The following KIF18B variants were observed in gnomAD, a reference collection of about 807,000 sequenced individuals.
The protein encoded by KIF18B is kinesin family member 18B, also known as kinesin-like protein KIF18B.
Under a neutral mutation model 80.9 loss-of-function variants are expected in KIF18B, and 49 were observed. That is an observed-to-expected ratio of 0.61 (90% CI 0.48 to 0.77). KIF18B has a LOEUF of 0.77. Among genes scored for constraint, KIF18B ranks in the 30% least tolerant of loss-of-function variants. KIF18B has a pLI of 0.00. For missense variants in KIF18B, 994 were observed against 1,127.7 expected (o/e 0.88, Z 1.70); for synonymous variants, 439 against 463.9 (o/e 0.95, Z 0.69).
chr17:44,935,207 CA>C, intron 3 of KIF18B, 51 bp downstream of exon 3: 1 of 1,515,990 alleles, frequency 6.6e-7, no homozygotes, highest in Non-Finnish European at 8.9e-7. Flanking sequence ...CCCATGGGCT[CA>C]CTTCCCCCCG....
intron 1 of KIF18B, among the ~76,000 whole-genome samples, chr17:44,944,539 C>T (rs576143830): frequency 8.5e-5 from 13 of 152,182 alleles, no homozygotes; most frequent in East Asian, 7.7e-4. Flanking sequence ...TGAGCCACCG[C>T]GCTTGGCCCG....
chr17:44,932,835 C>T (rs1160315620), intron 8 of KIF18B, 62 bp from the exon 9 acceptor site: 1 of 1,566,776 alleles, frequency 6.4e-7, no homozygotes, highest in Non-Finnish European at 8.7e-7. Context: ...GAGGGGCAGA[C>T]AGAGCCCCCG....
At chr17:44,947,397 A>ACCAC (rs2052532253) in intron 1 of KIF18B, among the ~76,000 whole-genome samples, 1 of 152,144 alleles carries the variant, frequency 6.6e-6, no homozygotes, top group Non-Finnish European at 1.5e-5. Context: ...AGGGGTCCTG[A>ACCAC]CCACCCGTAC....
chr17:44,934,135 T>C lies in KIF18B; in HGVS notation c.886-36A>G, dbSNP rs1005745224. ...GTAAGCAGGTGTGGGGTGAGGCGAC[T>C]GATGGCACTGACCCAGGATGGGGCC... On this transcript the variant is annotated intron_variant, in intron 6 of 15. Coordinates refer to ENST00000593135, the MANE Select transcript of KIF18B (RefSeq NM_001265577.2). This position sits in a 1 kb window ranked among gnomAD's most constrained non-coding sequence, Gnocchi z 5.4. 2.5e-6 allele frequency: 4 copies of C among 1,606,650 alleles called. No homozygotes were observed. Among genetic ancestry groups the C allele is most frequent in the Non-Finnish European group, 3.4e-6 (4 of 1,176,560 alleles).
chr17:44,933,644 C>G (rs2052208576), intron 7 of KIF18B, among the ~76,000 whole-genome samples: 1 of 152,162 alleles, frequency 6.6e-6, no homozygotes, highest in African/African-American at 2.4e-5. Flanking sequence ...AGGTGCCCAC[C>G]ACCATGCCCA....
intron 1 of KIF18B, among the ~76,000 whole-genome samples, chr17:44,937,628 T>C (rs2052335281): frequency 6.6e-6 from 1 of 152,222 alleles, no homozygotes; most frequent in African/African-American, 2.4e-5. Context: ...AACTCTCTTA[T>C]TAATTTCATT....
chr17:44,932,550 C>T, intron 9 of KIF18B, 123 bp downstream of exon 9: 1 of 703,454 alleles, frequency 1.4e-6, no homozygotes, highest in South Asian at 1.6e-5. Context: ...GGTGCAAACC[C>T]TTAACCCTAG....
Position 44,944,304 on chromosome 17 carries a change from G to A in KIF18B, c.-15+3324C>T, listed in dbSNP as rs376173025. Among the ~76,000 whole-genome samples, 48 of 151,874 alleles carry A rather than the reference G, an allele frequency of 3.2e-4. No individual in the cohort carries two copies. The East Asian group carries it at 4.3e-3, about 13-fold the overall frequency. On this transcript the variant is annotated intron_variant, in intron 1 of 15. Coordinates refer to ENST00000593135, the MANE Select transcript of KIF18B (RefSeq NM_001265577.2). The stretch of plus-strand genomic sequence containing the variant: ...GCCCAGCAGCCTGGAGTGCAATGGC[G>A]TGGTCTCAGCTCACTGCAACCTCCG...
intron 1 of KIF18B, among the ~76,000 whole-genome samples, chr17:44,937,836 A>T (rs2052338725): frequency 1.3e-5 from 2 of 152,332 alleles, no homozygotes; most frequent in South Asian, 4.1e-4. Flanking sequence ...TCTAAAGGAA[A>T]TGGCTTTAGT....
At chr17:44,946,878 T>G (rs530784438) in intron 1 of KIF18B, among the ~76,000 whole-genome samples, 2 of 152,210 alleles carry the variant, frequency 1.3e-5, no homozygotes, top group Admixed American at 1.3e-4. Flanking sequence ...CCCAGCACTT[T>G]GGGAGGCCGA....
chr17:44,924,823 T>C lies in KIF18B; in HGVS notation c.*1257A>G, dbSNP rs2051991776. On this transcript the variant is annotated 3_prime_UTR_variant, in exon 16 of 16. Coordinates refer to ENST00000593135, the MANE Select transcript of KIF18B (RefSeq NM_001265577.2). ...CCCAAGTATCATTAGCATTTATATCTAGGTGCAGCATTAAGCCTGAATTCC... is the reference window on the plus strand; with the variant it reads ...CCCAAGTATCATTAGCATTTATATCCAGGTGCAGCATTAAGCCTGAATTCC... 6.6e-6 allele frequency: 1 copy of C among 151,760 alleles called. No homozygotes were observed. Among genetic ancestry groups the C allele is most frequent in the African/African-American group, 2.4e-5 (1 of 41,166 alleles). The allele number at this position is 151,760 out of a possible 1,614,324, so 9.4% of individuals were successfully genotyped here. A position where few individuals can be genotyped will look rare whatever the true frequency, so the allele number is the denominator to read the frequency against.
intron 1 of KIF18B, among the ~76,000 whole-genome samples, chr17:44,940,356 T>C (rs2052391851): frequency 6.6e-6 from 1 of 152,250 alleles, no homozygotes. Flanking sequence ...CAAATGCTTT[T>C]TGGCACTTGT....
At position 44,928,500 on chromosome 17, in the gene KIF18B, C is replaced by T. The variant is rs892508846; in HGVS notation, c.1802G>A (p.Ser601Asn). ...GATTCCCAGGGTGTGCAGGGGGCCA[C>T]TCAGTCGCCTCGCCATAGTCCGGGT... ...PVTRTMARRL[S>N]GPLHTLGIPP... Residue 601 changes from serine to asparagine, a missense_variant, in exon 13 of 16, where the codon AGT (serine) becomes AAT (asparagine). Physicochemically the swap from Ser to Asn is conservative, Grantham distance 46. Coordinates refer to ENST00000593135, the MANE Select transcript of KIF18B (RefSeq NM_001265577.2). 4 of 1,497,970 alleles carry T rather than the reference C, an allele frequency of 2.7e-6. No homozygotes were observed. The highest frequency in any genetic ancestry group is 1.4e-5 in the African/African-American group (1 of 71,698). 92.8% of individuals were successfully genotyped at this position (1,497,970 alleles called of 1,614,324 possible).
intron 1 of KIF18B, among the ~76,000 whole-genome samples, chr17:44,942,267 CCA>C (rs2052434715): frequency 6.6e-6 from 1 of 152,218 alleles, no homozygotes; most frequent in African/African-American, 2.4e-5. Context: ...TCTCAGCCAG[CCA>C]CAGTCACGTC....
At chr17:44,939,949 G>T (rs1189933629) in intron 1 of KIF18B, among the ~76,000 whole-genome samples, 1 of 152,174 alleles carries the variant, frequency 6.6e-6, no homozygotes, top group African/African-American at 2.4e-5. Flanking sequence ...GATTACAGGC[G>T]TGTGCCACCA....
rs2052279980 is a variant in KIF18B, at chr17:44,936,034, G to C, written c.311C>G (p.Ser104Ter). ...LDSFLQGYNCSVFAYGATGAG... is the reference protein window; with the variant it reads ...LDSFLQGYNC ...CCAGGCAGGGCTGAGGTTCTCACCT[G>C]AGCAGTTGTAGCCCTGGAGGAAGCT... Residue 104 changes from serine to a stop codon, truncating the protein, a stop_gained and splice_region_variant, in exon 2 of 16, where the codon TCA (serine) becomes TGA (stop). Transcript: ENST00000593135. LOFTEE classifies it high-confidence loss of function. 1.9e-6 allele frequency: 3 copies of C among 1,612,996 alleles called. No homozygotes were observed. The highest frequency in any genetic ancestry group is 2.5e-6 in the Non-Finnish European group (3 of 1,179,262).
At chr17:44,937,141 C>T (rs529760276) in intron 1 of KIF18B, among the ~76,000 whole-genome samples, 8 of 151,626 alleles carry the variant, frequency 5.3e-5, no homozygotes, top group Admixed American at 3.3e-4. Flanking sequence ...CTTCATTACT[C>T]TTTCTTTTCT....
rs1385518165 is a variant in KIF18B at position 44,936,606 on chromosome 17, A to C, written c.-14-248T>G. Among the ~76,000 whole-genome samples, 274 of 61,382 alleles carry C rather than the reference A, an allele frequency of 4.5e-3. 1 individual carries two copies. The highest frequency in any genetic ancestry group is 9.4e-3 in the African/African-American group (145 of 15,412). The allele number at this position is 61,382 out of a possible 152,430, so 40.3% of individuals were successfully genotyped here. On this transcript the variant is annotated intron_variant, in intron 1 of 15. Transcript: ENST00000593135. ...TCTCTCTCTCTCTCTCTCTATATAT[A>C]TATATATATATATATATATTTTTTT...
At position 44,926,507 on chromosome 17, in the gene KIF18B, A is replaced by G; in HGVS notation, c.2367-8T>C. 6.3e-7 allele frequency: 1 copy of G among 1,577,900 alleles called. No homozygotes were observed. Among genetic ancestry groups the G allele is most frequent in the South Asian group, 1.2e-5 (1 of 85,588 alleles). The stretch of plus-strand genomic sequence containing the variant: ...CCATGGGAGACTGAGGAACTGAGGG[A>G]GGAAAGGAGGGAAGGTGGAAGGTTA... On this transcript the variant is annotated splice_polypyrimidine_tract_variant and splice_region_variant and intron_variant, in intron 14 of 15. Coordinates refer to ENST00000593135, the MANE Select transcript of KIF18B (RefSeq NM_001265577.2).
Sources: allele counts gnomAD v4.1 joint callset (sites outside exome capture counted in the v4.1 genomes callset), GRCh38; gene constraint gnomAD v4.1.1; non-coding constraint Gnocchi (gnomAD v3.1); transcripts MANE v1.5; gene names NCBI Gene and HGNC (gene_info 2026-07-23, HGNC 2026-07-21).